Variants in ZCWPW2 observed in about 807,000 individuals in gnomAD.
The protein encoded by ZCWPW2 is zinc finger CW-type and PWWP domain containing 2.
A neutral mutation model predicts 46.6 loss-of-function variants in ZCWPW2; 45 were observed. The observed-to-expected ratio is 0.96, with a 90% CI of 0.76 to 1.24. The LOEUF (loss-of-function observed/expected upper bound fraction) is 1.24. Among genes scored for constraint, ZCWPW2 ranks in the 50% most tolerant of loss-of-function variants. ZCWPW2 has a pLI of 0.00. For synonymous variants in ZCWPW2, 152 were observed against 137.1 expected (o/e 1.11, Z -0.76); for missense variants, 429 against 403.9 (o/e 1.06, Z -0.53).
chr3:28,370,842 C>T (rs944087914), intron 1 of ZCWPW2, among the ~76,000 whole-genome samples: 3 of 152,296 alleles, frequency 2.0e-5, no homozygotes, highest in African/African-American at 7.2e-5. Context: ...AAGAAATTCT[C>T]CTGCCTCAGC....
chr3:28,507,183 C>T (rs1228692037), intron 6 of ZCWPW2, among the ~76,000 whole-genome samples: 2 of 152,100 alleles, frequency 1.3e-5, no homozygotes, highest in Admixed American at 6.6e-5. Flanking sequence ...AGGCAGAGAG[C>T]ATTTTGGTAA....
intron 2 of ZCWPW2, among the ~76,000 whole-genome samples, chr3:28,400,471 G>A (rs1007616999): frequency 2.6e-5 from 4 of 152,064 alleles, no homozygotes; most frequent in South Asian, 4.1e-4. Flanking sequence ...AAAGATCATC[G>A]CCTAGGCACA....
chr3:28,488,257 G>T (rs1699674231), intron 5 of ZCWPW2, among the ~76,000 whole-genome samples: 1 of 152,144 alleles, frequency 6.6e-6, no homozygotes, highest in Non-Finnish European at 1.5e-5. Flanking sequence ...TGCTCAGGTT[G>T]GTTGTGATTC....
chr3:28,451,013 G>A (rs933286930), intron 4 of ZCWPW2, among the ~76,000 whole-genome samples: 7 of 152,148 alleles, frequency 4.6e-5, no homozygotes, highest in Admixed American at 3.3e-4. Context: ...AATATCACTT[G>A]TTTGAGCACT....
intron 2 of ZCWPW2, chr3:28,398,152 G>T (rs1287270949): frequency 6.6e-6 from 1 of 152,250 alleles, no homozygotes; most frequent in Non-Finnish European, 1.5e-5. Context: ...GTGACAGCAG[G>T]TCCTATATCT....
At position 28,492,187 on chromosome 3, in the gene ZCWPW2, T is replaced by C. The variant is rs1432322565; in HGVS notation, c.657+14T>C. ...GTCAAGAAAAGGGTAAGATTGTGTT[T>C]TATTATATAAAATATACAAACTTCA... On this transcript the variant is annotated intron_variant, in intron 6 of 9. Coordinates refer to ENST00000383768, the MANE Select transcript of ZCWPW2 (RefSeq NM_001040432.4). 8 of 1,595,734 alleles carry C rather than the reference T, an allele frequency of 5.0e-6. No homozygotes were observed. The highest frequency in any genetic ancestry group is 6.8e-6 in the Non-Finnish European group (8 of 1,172,034).
At chr3:28,438,993 G>A (rs910746340) in intron 4 of ZCWPW2, among the ~76,000 whole-genome samples, 3 of 149,520 alleles carry the variant, frequency 2.0e-5, no homozygotes, top group African/African-American at 7.4e-5. Context: ...GTATTAGTCA[G>A]GGTTCTTTAG....
At chr3:28,473,501 C>T (rs1218185830) in intron 4 of ZCWPW2, among the ~76,000 whole-genome samples, 2 of 151,720 alleles carry the variant, frequency 1.3e-5, no homozygotes, top group African/African-American at 4.8e-5. Context: ...AATAGAGCTA[C>T]TATATGATCC....
chr3:28,482,415 G>C lies in ZCWPW2; in HGVS notation c.610+3484G>C, dbSNP rs191603225. ...TCATTCACCTATGAAAGGACATCTT[G>C]GTTGCTTTTAAATTTTGGCAACTAT... On this transcript the variant is annotated intron_variant, in intron 5 of 9. Coordinates refer to ENST00000383768, the MANE Select transcript of ZCWPW2 (RefSeq NM_001040432.4). Among the ~76,000 whole-genome samples, 446 of 152,204 alleles carry C rather than the reference G, an allele frequency of 2.9e-3. 4 individuals carry two copies. Among genetic ancestry groups the C allele is most frequent in the African/African-American group, 0.01 (420 of 41,544 alleles).
At chr3:28,429,897 C>T (rs1697177933) in intron 3 of ZCWPW2, among the ~76,000 whole-genome samples, 3 of 152,190 alleles carry the variant, frequency 2.0e-5, no homozygotes, top group Admixed American at 2.0e-4. Context: ...TTCAGAACCT[C>T]CACCTAGATT....
chr3:28,434,277 A>AAC (rs1243960109), intron 3 of ZCWPW2, among the ~76,000 whole-genome samples: 1 of 152,100 alleles, frequency 6.6e-6, no homozygotes, highest in Non-Finnish European at 1.5e-5. Flanking sequence ...CTCCATATAG[A>AAC]ATTATTATTT....
intron 1 of ZCWPW2, among the ~76,000 whole-genome samples, chr3:28,378,068 A>T (rs1705559037): frequency 6.6e-6 from 1 of 152,068 alleles, no homozygotes; most frequent in Admixed American, 6.6e-5. Flanking sequence ...AGCTTCTTGG[A>T]GCTATGCCAG....
chr3:28,378,907 G>A (rs1403620547), intron 1 of ZCWPW2, among the ~76,000 whole-genome samples: 1 of 152,102 alleles, frequency 6.6e-6, no homozygotes, highest in Non-Finnish European at 1.5e-5. Flanking sequence ...GGTATGCAGA[G>A]GGAGTGGAGA....
intron 4 of ZCWPW2, among the ~76,000 whole-genome samples, chr3:28,469,291 GAAGAAGGAAGGA>G (rs1054916402): frequency 2.0e-5 from 3 of 152,016 alleles, no homozygotes; most frequent in Non-Finnish European, 4.4e-5. Flanking sequence ...AAAAGGAAGA[GAAGAAGGAAGGA>G]AAGAAGGAAG....
chr3:28,370,250 A>G (rs966124862), intron 1 of ZCWPW2, among the ~76,000 whole-genome samples: 1 of 152,122 alleles, frequency 6.6e-6, no homozygotes, highest in African/African-American at 2.4e-5. Flanking sequence ...TGCATCGCTC[A>G]CGCTGGGAAC....
At chr3:28,479,515 A>C (rs1230557442) in intron 5 of ZCWPW2, among the ~76,000 whole-genome samples, 1 of 152,150 alleles carries the variant, frequency 6.6e-6, no homozygotes, top group Non-Finnish European at 1.5e-5. Context: ...AGTAGGTTTG[A>C]CATTTTTTGT....
intron 1 of ZCWPW2, among the ~76,000 whole-genome samples, chr3:28,353,835 CAGG>C (rs1464582664): frequency 6.6e-6 from 1 of 152,158 alleles, no homozygotes; most frequent in African/African-American, 2.4e-5. Flanking sequence ...GACCAACCAA[CAGG>C]AGAACAGCAA....
At position 28,379,041 on chromosome 3, in the gene ZCWPW2, T is replaced by C. The variant is rs547618360; in HGVS notation, c.-133-11457T>C. 2.6e-5 allele frequency among the ~76,000 whole-genome samples: 4 copies of C among 152,198 alleles called. No homozygotes were observed. In the South Asian group the frequency reaches 6.2e-4, roughly 24 times the overall value. On this transcript the variant is annotated intron_variant, in intron 1 of 9. Coordinates refer to ENST00000383768, the MANE Select transcript of ZCWPW2 (RefSeq NM_001040432.4). ...ATCAGGTGTGCCTTATGTGCTTCCA[T>C]AGTATTCTATATTTGGCCCATAATA...
chr3:28,388,279 G>T (rs1188282407), intron 1 of ZCWPW2, among the ~76,000 whole-genome samples: 3 of 152,066 alleles, frequency 2.0e-5, no homozygotes, highest in African/African-American at 7.2e-5. Flanking sequence ...AAATATCTGG[G>T]CTCTGTGGCC....
Sources: allele counts gnomAD v4.1 joint callset (sites outside exome capture counted in the v4.1 genomes callset), GRCh38; gene constraint gnomAD v4.1.1; transcripts MANE v1.5; gene names NCBI Gene and HGNC (gene_info 2026-07-23, HGNC 2026-07-21).